The following APP variants were observed in gnomAD, a reference collection of about 807,000 sequenced individuals.
The protein encoded by APP is amyloid-beta precursor protein.
Under a neutral mutation model 101.4 loss-of-function variants are expected in APP, and 31 were observed. The observed-to-expected ratio is 0.31, with a 90% CI of 0.23 to 0.41. The LOEUF is 0.41. Among genes scored for constraint, APP ranks in the 10% least tolerant of loss-of-function variants. The pLI, the probability that APP is intolerant of heterozygous loss-of-function variation, is 1.00. For missense variants in APP, 839 were observed against 1,003.7 expected (o/e 0.84, Z 2.22); for synonymous variants, 366 against 364.4 (o/e 1.00, Z -0.05).
intron 2 of APP, among the ~76,000 whole-genome samples, chr21:26,093,107 A>G (rs2061863043): frequency 6.6e-6 from 1 of 152,216 alleles, no homozygotes; most frequent in African/African-American, 2.4e-5. Context: ...GGCACTTTAG[A>G]TCACAGAAAA....
intron 1 of APP, among the ~76,000 whole-genome samples, chr21:26,131,058 C>G (rs1042445914): frequency 1.3e-5 from 2 of 152,002 alleles, no homozygotes; most frequent in Admixed American, 6.6e-5. Context: ...GGAGAAACCC[C>G]TTCTCTACTA....
chr21:26,076,052 C>G (rs2061492857), intron 3 of APP, among the ~76,000 whole-genome samples: 1 of 152,064 alleles, frequency 6.6e-6, no homozygotes, highest in Admixed American at 6.6e-5. Context: ...CATCACCATG[C>G]CTGGCTAATT....
intron 3 of APP, among the ~76,000 whole-genome samples, chr21:26,064,559 G>GGGC (rs1183782425): frequency 1.3e-5 from 2 of 151,894 alleles, no homozygotes; most frequent in Admixed American, 1.3e-4. Flanking sequence ...GTCTCATAGG[G>GGGC]TTTTACTGGG....
At chr21:25,973,422 A>G (rs1438109548) in intron 11 of APP, among the ~76,000 whole-genome samples, 1 of 152,228 alleles carries the variant, frequency 6.6e-6, no homozygotes, top group African/African-American at 2.4e-5. Flanking sequence ...GAAAGCTGGA[A>G]TAGCTTTATT....
chr21:25,939,622 C>T (rs1371242905), intron 13 of APP, among the ~76,000 whole-genome samples: 1 of 152,210 alleles, frequency 6.6e-6, no homozygotes, highest in Non-Finnish European at 1.5e-5. Context: ...GTTCATTCCC[C>T]TAGCCTGCAC....
chr21:25,914,755 G>T (rs990388579), intron 13 of APP, among the ~76,000 whole-genome samples: 3 of 151,944 alleles, frequency 2.0e-5, no homozygotes, highest in Admixed American at 1.3e-4. Context: ...GGGTTTCACC[G>T]TGTTAGCCAG....
intron 13 of APP, among the ~76,000 whole-genome samples, chr21:25,945,145 G>A (rs2040751945): frequency 6.6e-6 from 1 of 152,112 alleles, no homozygotes; most frequent in African/African-American, 2.4e-5. Context: ...ATGGCTTAAG[G>A]AAAAGCTCAC....
At position 26,080,559 on chromosome 21, in the gene APP, G is replaced by C. The variant is rs113161187; in HGVS notation, c.355+9384C>G. Reference sequence around the variant, plus strand: ...TGAGGCGGGTGGATCACGAGGTCAGGAGTTCAAGACCAGACTGGCCAAGGT... The same window carrying C: ...TGAGGCGGGTGGATCACGAGGTCAGCAGTTCAAGACCAGACTGGCCAAGGT... On this transcript the variant is annotated intron_variant, in intron 3 of 17. Coordinates refer to ENST00000346798, the MANE Select transcript of APP (RefSeq NM_000484.4). Among the ~76,000 whole-genome samples the C allele has an allele frequency of 6.2e-3, 940 of 151,948 alleles. 8 individuals are homozygous for C. The highest frequency in any genetic ancestry group is 0.021 in the African/African-American group (876 of 41,422).
intron 16 of APP, among the ~76,000 whole-genome samples, chr21:25,895,825 C>T (rs1164661017): frequency 1.3e-5 from 2 of 152,114 alleles, no homozygotes; most frequent in Non-Finnish European, 2.9e-5. Flanking sequence ...GTGAGGTAAT[C>T]AGGAATAAAT....
intron 9 of APP, 52 bp from the exon 10 acceptor site, chr21:25,976,080 T>C: frequency 7.0e-7 from 1 of 1,420,550 alleles, no homozygotes; most frequent in Non-Finnish European, 9.9e-7. Context: ...ATCCTTTGAA[T>C]ACAGACTTAA....
chr21:26,003,670 A>G (rs1279661847), intron 6 of APP, among the ~76,000 whole-genome samples: 1 of 152,218 alleles, frequency 6.6e-6, no homozygotes, highest in African/African-American at 2.4e-5. Context: ...ACCTTGTCCA[A>G]CTGGTTCTCA....
At chr21:26,150,705 T>C (rs2063251477) in intron 1 of APP, among the ~76,000 whole-genome samples, 1 of 152,214 alleles carries the variant, frequency 6.6e-6, no homozygotes, top group African/African-American at 2.4e-5. Flanking sequence ...ATCAGGAAGC[T>C]GGCCTCTTTC....
At chr21:26,093,949 A>G (rs985169505) in intron 2 of APP, among the ~76,000 whole-genome samples, 10 of 152,004 alleles carry the variant, frequency 6.6e-5, no homozygotes, top group African/African-American at 2.4e-4. Flanking sequence ...CCCTGTCTCT[A>G]CTAAAAATAC....
At chr21:25,986,014 T>C (rs72635010) in intron 8 of APP, among the ~76,000 whole-genome samples, 9,584 of 152,216 alleles carry the variant, frequency 0.063, 673 homozygotes, top group African/African-American at 0.16. Flanking sequence ...AATTTTAAGG[T>C]GGAGTATGTC....
intron 13 of APP, among the ~76,000 whole-genome samples, chr21:25,944,677 C>T (rs948122021): frequency 1.3e-5 from 2 of 152,186 alleles, no homozygotes; most frequent in Middle Eastern, 3.2e-3. Flanking sequence ...GATTCATCTC[C>T]ATACTCAGGG....
At chr21:25,951,977 C>A (rs1472538749) in intron 13 of APP, among the ~76,000 whole-genome samples, 2 of 152,166 alleles carry the variant, frequency 1.3e-5, no homozygotes, top group African/African-American at 4.8e-5. Context: ...AGCTTTGACA[C>A]TAGCAGCTCA....
Position 25,897,666 on chromosome 21 carries a change from C to A in APP, c.1971G>T (p.Gly657=), listed in dbSNP as rs141559720. 4 of 1,611,826 alleles carry A rather than the reference C, an allele frequency of 2.5e-6. No homozygotes were observed. The highest frequency in any genetic ancestry group is 3.4e-6 in the Non-Finnish European group (4 of 1,178,108). Reference sequence around the variant, plus strand: ...TCTCCTCCGTCTTGATATTTGTCAACCCAGAACCTGTATTACATCATAATT... The same window carrying A: ...TCTCCTCCGTCTTGATATTTGTCAAACCAGAACCTGTATTACATCATAATT... ...DRGLTTRPGS[G]LTNIKTEEIS... The change falls in exon 16 of 18, where the codon GGG becomes GGT. Residue 657 remains glycine (G), a synonymous_variant. Coordinates refer to ENST00000346798, the MANE Select transcript of APP (RefSeq NM_000484.4).
intron 5 of APP, among the ~76,000 whole-genome samples, chr21:26,029,624 C>T (rs1162313553): frequency 1.3e-5 from 2 of 152,032 alleles, no homozygotes; most frequent in South Asian, 2.1e-4. Flanking sequence ...GGGAGGGAAA[C>T]CTGAGCACCT....
chr21:26,140,075 T>C (rs765067026), intron 1 of APP: 7 of 1,085,662 alleles, frequency 6.4e-6, no homozygotes, highest in Non-Finnish European at 9.5e-6. Context: ...TTTTGAAAGA[T>C]ATTACTGTCT....
Sources: allele counts gnomAD v4.1 joint callset (sites outside exome capture counted in the v4.1 genomes callset), GRCh38; gene constraint gnomAD v4.1.1; transcripts MANE v1.5; gene names NCBI Gene and HGNC (gene_info 2026-07-23, HGNC 2026-07-21).